The following GPC6 variants were observed in gnomAD, a reference collection of about 807,000 sequenced individuals.
GPC6 encodes glypican-6.
A neutral mutation model predicts 55.2 loss-of-function variants in GPC6; 14 were observed. The ratio of observed to expected loss-of-function variants is 0.25; its 90% CI spans 0.17 to 0.40. The LOEUF (loss-of-function observed/expected upper bound fraction) is 0.40. Ranked by LOEUF, GPC6 falls within the 10% of genes least tolerant of loss-of-function variation. The pLI is 1.00. For missense variants in GPC6, 641 were observed against 708.5 expected, an observed-to-expected ratio of 0.90 and a Z score of 1.08; for synonymous variants, 278 against 259.6, an observed-to-expected ratio of 1.07 and a Z score of -0.68.
intron 4 of GPC6, among the ~76,000 whole-genome samples, chr13:94,130,067 A>G (rs905468806): frequency 1.3e-5 from 2 of 152,214 alleles, no homozygotes; most frequent in African/African-American, 4.8e-5. Context: ...TTGATGGAGC[A>G]AGATATATTT....
At chr13:94,172,731 G>T (rs908792389) in intron 4 of GPC6, among the ~76,000 whole-genome samples, 1 of 152,110 alleles carries the variant, frequency 6.6e-6, no homozygotes, top group Non-Finnish European at 1.5e-5. Context: ...TGAACAAATG[G>T]ACTTATGTAC....
chr13:94,290,758 T>A (rs764143998), intron 5 of GPC6, among the ~76,000 whole-genome samples: 3 of 152,234 alleles, frequency 2.0e-5, no homozygotes, highest in Admixed American at 6.5e-5. Flanking sequence ...AGAGATCAGA[T>A]GGGCTATTTA....
chr13:93,422,345 TTAAAG>T (rs1172223625), intron 1 of GPC6, among the ~76,000 whole-genome samples: 8 of 152,350 alleles, frequency 5.3e-5, no homozygotes, highest in African/African-American at 1.9e-4. Flanking sequence ...CTTTAAGCTC[TTAAAG>T]TATAGTTTGC....
intron 1 of GPC6, among the ~76,000 whole-genome samples, chr13:93,459,175 C>T (rs1451918172): frequency 2.0e-5 from 3 of 152,200 alleles, no homozygotes; most frequent in Non-Finnish European, 4.4e-5. Flanking sequence ...CCTCCCGCTT[C>T]TACCTTCTCA....
chr13:93,691,639 G>A (rs1882260492), intron 2 of GPC6, among the ~76,000 whole-genome samples: 1 of 151,888 alleles, frequency 6.6e-6, no homozygotes, highest in African/African-American at 2.4e-5. Flanking sequence ...TCATGTTTCT[G>A]AGGTTTTTCT....
At chr13:93,861,808 G>A (rs1011444676) in intron 3 of GPC6, among the ~76,000 whole-genome samples, 2 of 151,640 alleles carry the variant, frequency 1.3e-5, no homozygotes, top group Non-Finnish European at 3.0e-5. Flanking sequence ...CTCTTTACTG[G>A]TCGAGTTACT....
At chr13:94,371,995 C>T (rs1879565825) in intron 6 of GPC6, among the ~76,000 whole-genome samples, 1 of 152,162 alleles carries the variant, frequency 6.6e-6, no homozygotes, top group African/African-American at 2.4e-5. Flanking sequence ...TTACTTACAG[C>T]TGGGTCCCTA....
At chr13:93,241,743 T>G (rs1421417642) in intron 1 of GPC6, among the ~76,000 whole-genome samples, 2 of 152,198 alleles carry the variant, frequency 1.3e-5, no homozygotes, top group African/African-American at 2.4e-5. Context: ...GCTTTTCATA[T>G]TGCCAGAATT....
chr13:94,403,799 G>C lies in GPC6; in HGVS notation c.*582G>C, dbSNP rs1486727753. The C allele has an allele frequency of 5.7e-6, 1 of 174,184 alleles. No individual in the cohort carries two copies. Among genetic ancestry groups the C allele is most frequent in the Non-Finnish European group, 1.2e-5 (1 of 80,622 alleles). The allele number at this position is 174,184 out of a possible 1,614,324, so 10.8% of individuals were successfully genotyped here. A position where few individuals can be genotyped will look rare whatever the true frequency, so the allele number is the denominator to read the frequency against. ...GTAGTGAAAATGCACTGTTGTCTTG[G>C]AGGTATCATCTTGCACTCTAACCAA... On this transcript the variant is annotated 3_prime_UTR_variant, in exon 9 of 9. Transcript: ENST00000377047.
chr13:93,469,119 T>C (rs1183267589), intron 1 of GPC6, among the ~76,000 whole-genome samples: 1 of 152,186 alleles, frequency 6.6e-6, no homozygotes, highest in African/African-American at 2.4e-5. Flanking sequence ...AATATCATAA[T>C]GAAGCTGAAT....
chr13:93,620,102 G>C (rs968727731), intron 2 of GPC6, among the ~76,000 whole-genome samples: 1 of 152,090 alleles, frequency 6.6e-6, no homozygotes, highest in African/African-American at 2.4e-5. Flanking sequence ...CTTTGACGTA[G>C]AATCTCATAC....
chr13:94,360,088 C>A (rs984095776), intron 6 of GPC6, among the ~76,000 whole-genome samples: 2 of 152,168 alleles, frequency 1.3e-5, no homozygotes, highest in Non-Finnish European at 2.9e-5. Flanking sequence ...GAAAACTCTC[C>A]CTTTGTCATG....
intron 3 of GPC6, among the ~76,000 whole-genome samples, chr13:93,943,907 T>A (rs1386566044): frequency 2.6e-5 from 4 of 152,226 alleles, no homozygotes; most frequent in Admixed American, 6.5e-5. Flanking sequence ...TGCGGTTTGA[T>A]TAAAATGTAT....
At chr13:93,780,483 C>T (rs1885604587) in intron 2 of GPC6, among the ~76,000 whole-genome samples, 1 of 151,930 alleles carries the variant, frequency 6.6e-6, no homozygotes, top group Admixed American at 6.6e-5. Context: ...ACCCCTAAAG[C>T]TTTCTCTAAA....
At chr13:94,355,949 A>C (rs1309569927) in intron 6 of GPC6, among the ~76,000 whole-genome samples, 1 of 151,800 alleles carries the variant, frequency 6.6e-6, no homozygotes, top group Non-Finnish European at 1.5e-5. Flanking sequence ...CCCCCACAAC[A>C]GGCCCCAGTG....
At chr13:93,297,972 A>C (rs1878550390) in intron 1 of GPC6, among the ~76,000 whole-genome samples, 1 of 152,336 alleles carries the variant, frequency 6.6e-6, no homozygotes, top group Non-Finnish European at 1.5e-5. Context: ...GCTTGATAAA[A>C]TATGGAGTAA....
intron 3 of GPC6, among the ~76,000 whole-genome samples, chr13:93,895,275 T>TAC (rs1566591069): frequency 3.8e-5 from 5 of 132,278 alleles, no homozygotes; most frequent in African/African-American, 1.4e-4. Context: ...TATATATATA[T>TAC]ATGTAACTGT....
At chr13:93,950,990 C>T (rs1220323523) in intron 3 of GPC6, among the ~76,000 whole-genome samples, 1 of 151,992 alleles carries the variant, frequency 6.6e-6, no homozygotes, top group African/African-American at 2.4e-5. Flanking sequence ...TCTGAGGGAG[C>T]AAAGGATGAA....
Position 94,307,573 on chromosome 13 carries a change from A to G in GPC6, c.1152+1450A>G, listed in dbSNP as rs568093571. Among the ~76,000 whole-genome samples, 165 of 152,272 alleles carry G rather than the reference A, an allele frequency of 1.1e-3. 1 individual carries two copies. Among genetic ancestry groups the G allele is most frequent in the African/African-American group, 3.8e-3 (156 of 41,576 alleles). ...AGCAATCCACCTGCCTCGACCTCCC[A>G]AAGTGCTGGGATTACAGGCATGAGC... On this transcript the variant is annotated intron_variant, in intron 6 of 8. Transcript: ENST00000377047.
Sources: allele counts gnomAD v4.1 joint callset (sites outside exome capture counted in the v4.1 genomes callset), GRCh38; gene constraint gnomAD v4.1.1; transcripts MANE v1.5; gene names NCBI Gene and HGNC (gene_info 2026-07-23, HGNC 2026-07-21).